Variants in FOXN3 observed in about 807,000 individuals in gnomAD.
The protein encoded by FOXN3 is forkhead box protein N3.
In FOXN3, 7 loss-of-function variants were observed where a neutral mutation model predicts 38.4. That is an observed-to-expected ratio of 0.18 (90% CI 0.10 to 0.34). The LOEUF (loss-of-function observed/expected upper bound fraction) is 0.34, where lower values mean the gene tolerates loss of function less well. Among genes scored for constraint, FOXN3 ranks in the 10% least tolerant of loss-of-function variants. The probability of loss-of-function intolerance (pLI) is 1.00; values close to 1 mark genes in which losing one functional copy is unlikely to be tolerated. For missense variants in FOXN3, 456 were observed against 613.4 expected (o/e 0.74, Z 2.71); for synonymous variants, 230 against 242.2 (o/e 0.95, Z 0.47).
At chr14:89,400,899 C>G (rs1891227569) in intron 2 of FOXN3, among the ~76,000 whole-genome samples, 4 of 152,064 alleles carry the variant, frequency 2.6e-5, no homozygotes, top group African/African-American at 9.7e-5. Flanking sequence ...TGGTACATTA[C>G]CTACCCTGTC....
At chr14:89,234,270 G>C (rs978684722) in intron 4 of FOXN3, among the ~76,000 whole-genome samples, 1 of 152,140 alleles carries the variant, frequency 6.6e-6, no homozygotes, top group Admixed American at 6.5e-5. Context: ...CCATAGTTCT[G>C]GAGGCTAGAA....
intron 4 of FOXN3, among the ~76,000 whole-genome samples, chr14:89,210,598 C>A (rs1385337379): frequency 6.6e-6 from 1 of 152,178 alleles, no homozygotes; most frequent in Non-Finnish European, 1.5e-5. Context: ...CTATATTTAT[C>A]CCTAAGTGTC....
intron 1 of FOXN3, among the ~76,000 whole-genome samples, chr14:89,428,083 G>A (rs1037207993): frequency 3.3e-5 from 5 of 152,078 alleles, no homozygotes; most frequent in African/African-American, 1.2e-4. Context: ...CTTTTTCAGA[G>A]GGGTGTGAAA....
intron 4 of FOXN3, among the ~76,000 whole-genome samples, chr14:89,221,552 C>G (rs999725834): frequency 2.6e-5 from 4 of 152,126 alleles, no homozygotes; most frequent in South Asian, 2.1e-4. Flanking sequence ...AAAGGATAAC[C>G]AAACTGTATT....
chr14:89,228,800 T>G (rs1884715665), intron 4 of FOXN3, among the ~76,000 whole-genome samples: 1 of 152,204 alleles, frequency 6.6e-6, no homozygotes, highest in African/African-American at 2.4e-5. Flanking sequence ...CAAATGTCCT[T>G]TGGAGTGATA....
In FOXN3 at chr14:89,163,045, C is replaced by CA. The variant is rs1887147894; in HGVS notation, c.852-77_852-76insT. 2 of 1,339,438 alleles carry CA rather than the reference C, an allele frequency of 1.5e-6. No individual in the cohort carries two copies. Among genetic ancestry groups the CA allele is most frequent in the East Asian group, 5.1e-5 (2 of 39,264 alleles). 83.0% of individuals were successfully genotyped at this position (1,339,438 alleles called of 1,614,324 possible). On this transcript the variant is annotated intron_variant, in intron 5 of 5. Coordinates refer to ENST00000557258, the MANE Select transcript of FOXN3 (RefSeq NM_005197.4). This position sits in a 1 kb window ranked among gnomAD's most constrained non-coding sequence, Gnocchi z 4.3. ...TTAGACGTCCTCAGATGGGGGCACCCGGCAGCCCGCCTGCATTCAACCATC... is the reference window on the plus strand; with the variant it reads ...TTAGACGTCCTCAGATGGGGGCACCCAGGCAGCCCGCCTGCATTCAACCATC...
At chr14:89,298,106 C>T (rs1056841284) in intron 3 of FOXN3, among the ~76,000 whole-genome samples, 4 of 152,134 alleles carry the variant, frequency 2.6e-5, no homozygotes, top group East Asian at 3.8e-4. Context: ...AATATTCAGC[C>T]TTTAAAAGGA....
intron 1 of FOXN3, among the ~76,000 whole-genome samples, chr14:89,481,957 C>T (rs980555529): frequency 2.1e-4 from 32 of 152,270 alleles, no homozygotes; most frequent in African/African-American, 7.5e-4. Context: ...CAGTCCTAGG[C>T]ATACTGGGAC....
chr14:89,570,849 T>C (rs1009548958), intron 1 of FOXN3, among the ~76,000 whole-genome samples: 3 of 152,172 alleles, frequency 2.0e-5, no homozygotes, highest in African/African-American at 7.2e-5. Flanking sequence ...TACCTTTGCC[T>C]TCAGACTAAC....
intron 5 of FOXN3, among the ~76,000 whole-genome samples, chr14:89,165,582 C>A (rs1349012643): frequency 6.6e-6 from 1 of 152,184 alleles, no homozygotes; most frequent in East Asian, 1.9e-4. Context: ...TTGGCCTCCT[C>A]CGTATCTGTT....
At chr14:89,251,837 G>C (rs907998259) in intron 4 of FOXN3, among the ~76,000 whole-genome samples, 14 of 152,178 alleles carry the variant, frequency 9.2e-5, no homozygotes, top group African/African-American at 3.4e-4. Flanking sequence ...GAAATGCAAA[G>C]GTGTCTTTAC....
At chr14:89,181,321 G>A (rs1345026892) in intron 4 of FOXN3, among the ~76,000 whole-genome samples, 1 of 152,152 alleles carries the variant, frequency 6.6e-6, no homozygotes, top group African/African-American at 2.4e-5. Flanking sequence ...AACACTGTAG[G>A]AAAGACACCT....
intron 1 of FOXN3, among the ~76,000 whole-genome samples, chr14:89,442,671 C>T (rs1264648570): frequency 6.6e-6 from 1 of 152,284 alleles, no homozygotes; most frequent in East Asian, 1.9e-4. Flanking sequence ...AGCCCATGTC[C>T]ATGGCCCACG....
intron 1 of FOXN3, among the ~76,000 whole-genome samples, chr14:89,442,533 C>A (rs936681589): frequency 6.6e-6 from 1 of 152,212 alleles, no homozygotes; most frequent in African/African-American, 2.4e-5. Context: ...TAAACAGGCA[C>A]AGTCTGCCCA....
Position 89,258,066 on chromosome 14 carries a change from TAC to T in FOXN3, c.745+22882_745+22883del, listed in dbSNP as rs137929543. Among the ~76,000 whole-genome samples the T allele has an allele frequency of 5.3e-4, 80 of 150,060 alleles. 1 individual carries two copies. Among genetic ancestry groups the T allele is most frequent in the African/African-American group, 1.5e-3 (60 of 41,216 alleles). On this transcript the variant is annotated intron_variant, in intron 4 of 5. Transcript: ENST00000557258. ...GGGAATGACCAACCATCCTTGAGTGTACACACACACACACACGCACTAGAGCC... is the reference window on the plus strand; with the variant it reads ...GGGAATGACCAACCATCCTTGAGTGTACACACACACACACGCACTAGAGCC...
intron 4 of FOXN3, among the ~76,000 whole-genome samples, chr14:89,185,186 T>A (rs1566923675): frequency 2.0e-5 from 3 of 152,168 alleles, no homozygotes; most frequent in South Asian, 2.1e-4. Flanking sequence ...ATTGGCAGTC[T>A]TCTCCATGGA....
chr14:89,495,999 G>A (rs1016098778), intron 1 of FOXN3, among the ~76,000 whole-genome samples: 1 of 152,190 alleles, frequency 6.6e-6, no homozygotes, highest in Non-Finnish European at 1.5e-5. Context: ...TGGATCATGA[G>A]GTCAGGAGCT....
intron 3 of FOXN3, among the ~76,000 whole-genome samples, chr14:89,333,754 A>T (rs1459358744): frequency 1.5e-5 from 2 of 137,670 alleles, no homozygotes; most frequent in African/African-American, 5.1e-5. Context: ...ACTATTAAAA[A>T]AAAAAAAAAA....
chr14:89,398,041 T>C (rs938497887), intron 2 of FOXN3, among the ~76,000 whole-genome samples: 1 of 152,148 alleles, frequency 6.6e-6, no homozygotes, highest in African/African-American at 2.4e-5. Flanking sequence ...GCTAATAAAA[T>C]GCTGTCTTCA....
Sources: gnomAD v4.1 joint callset for allele counts (sites outside exome capture counted in the v4.1 genomes callset) on GRCh38, gnomAD v4.1.1 for gene constraint, Gnocchi (gnomAD v3.1) non-coding constraint, MANE v1.5 for transcripts, NCBI Gene and HGNC (gene_info 2026-07-23, HGNC 2026-07-21) for gene names.